Variants in UNC45B observed in about 807,000 individuals in gnomAD.
UNC45B encodes the protein unc-45 myosin chaperone B.
Under a neutral mutation model 98.7 loss-of-function variants are expected in UNC45B, and 78 were observed. The observed-to-expected ratio is 0.79, with a 90% confidence interval of 0.66 to 0.95. The LOEUF (loss-of-function observed/expected upper bound fraction) is 0.95. Ranked by LOEUF, UNC45B falls within the 40% of genes least tolerant of loss-of-function variation. The probability of loss-of-function intolerance (pLI) is 0.00; values close to 1 mark genes in which losing one functional copy is unlikely to be tolerated. For synonymous variants in UNC45B, 462 were observed against 480.4 expected, an observed-to-expected ratio of 0.96 and a Z score of 0.50; for missense variants, 1,225 against 1,184.9, an observed-to-expected ratio of 1.03 and a Z score of -0.50.
chr17:35,175,791 A>AAAG (rs1397344273), intron 14 of UNC45B, among the ~76,000 whole-genome samples, 177 bp from the exon 15 acceptor site: 1 of 152,148 alleles, frequency 6.6e-6, no homozygotes, highest in Non-Finnish European at 1.5e-5. Flanking sequence ...AATTATTCCC[A>AAAG]TGATGTCATC....
intron 14 of UNC45B, among the ~76,000 whole-genome samples, chr17:35,175,079 G>GAAAGAAAGAAAGAAAGAA: frequency 7.7e-6 from 1 of 129,814 alleles, no homozygotes; most frequent in African/African-American, 2.7e-5. Context: ...AAGAAAGAAA[G>GAAAGAAAGAAAGAAAGAA]AAAGAAAGAG....
rs16970659 is a variant in UNC45B at position 35,148,982 on chromosome 17, G to A, written c.178G>A (p.Val60Ile). 77,592 of 1,613,820 alleles carry A rather than the reference G, an allele frequency of 0.048. 3,166 individuals are homozygous for A. Among genetic ancestry groups the A allele is most frequent in the Admixed American group, 0.19 (11,294 of 59,982 alleles). Residue 60 changes from valine (V) to isoleucine (I), a missense_variant, in exon 3 of 20, where the codon GTC becomes ATC. Coordinates refer to ENST00000394570, the MANE Select transcript of UNC45B (RefSeq NM_001267052.2). Reference sequence around the variant, plus strand: ...CTTCCCCTTTCCTCAGGAGAGCTACGTCCAGGCAGCTTCAGATGCCTCCAG... The same window carrying A: ...CTTCCCCTTTCCTCAGGAGAGCTACATCCAGGCAGCTTCAGATGCCTCCAG... The part of the protein sequence containing the change: ...AACGLKTESY[V>I]QAASDASRAI...
intron 9 of UNC45B, chr17:35,164,610 C>T (rs114130890): frequency 0.014 from 2,125 of 153,304 alleles, 51 homozygotes; most frequent in African/African-American, 0.048. Context: ...TCATCACTTC[C>T]GCCACATTCT....
chr17:35,164,892 T>A (rs1054205889), intron 9 of UNC45B, among the ~76,000 whole-genome samples: 1 of 151,532 alleles, frequency 6.6e-6, no homozygotes, highest in South Asian at 2.1e-4. Context: ...TGGGCTAATT[T>A]TTTTTTTTTT....
At chr17:35,175,671 G>A (rs2092227428) in intron 14 of UNC45B, among the ~76,000 whole-genome samples, 1 of 152,156 alleles carries the variant, frequency 6.6e-6, no homozygotes, top group South Asian at 2.1e-4. Context: ...CGGAGGACCT[G>A]GGGCACATCC....
chr17:35,156,221 A>G (rs939939325), intron 7 of UNC45B, among the ~76,000 whole-genome samples: 1 of 152,208 alleles, frequency 6.6e-6, no homozygotes, highest in African/African-American at 2.4e-5. Context: ...TTATTTTCTA[A>G]TGGGGACAAA....
At chr17:35,185,241 T>G (rs2092296760) in intron 19 of UNC45B, among the ~76,000 whole-genome samples, 1 of 152,068 alleles carries the variant, frequency 6.6e-6, no homozygotes, top group Non-Finnish European at 1.5e-5. Flanking sequence ...AAATGCCAGG[T>G]GAGGGTAACA....
chr17:35,153,036 G>A (rs1382661481), intron 5 of UNC45B, 54 bp downstream of exon 5: 1 of 1,475,072 alleles, frequency 6.8e-7, no homozygotes, highest in Non-Finnish European at 9.4e-7. Context: ...AGTCTGGACA[G>A]TGACATCATT....
Position 35,177,129 on chromosome 17 carries a change from G to T in UNC45B, c.2138G>T (p.Arg713Leu), listed in dbSNP as rs137917897. Residue 713 changes from arginine (R) to leucine (L), a missense_variant and splice_region_variant, in exon 16 of 20, where the codon CGG (arginine) becomes CTG (leucine). Arg to Leu is a moderately radical substitution (Grantham distance 102). Transcript: ENST00000394570. ...SNPDIAFPGE[R>L]VYEVVRPLVR... The stretch of plus-strand genomic sequence containing the variant: ...CCGGACATTGCTTTTCCTGGGGAGC[G>T]GGTAGGTGCTTGGGTAGATGGGATA... 1.2e-6 allele frequency: 2 copies of T among 1,613,974 alleles called. No homozygotes were observed. The highest frequency in any genetic ancestry group is 2.2e-5 in the East Asian group (1 of 44,870).
At position 35,163,992 on chromosome 17, in the gene UNC45B, C is replaced by A; in HGVS notation, c.980-3C>A. ...CTTAGGCTTGCCACTGTCTACCCTGCAGGTCTGAGGAAGATCCTGAAGGTT... is the reference window on the plus strand; with the variant it reads ...CTTAGGCTTGCCACTGTCTACCCTGAAGGTCTGAGGAAGATCCTGAAGGTT... On this transcript the variant is annotated splice_polypyrimidine_tract_variant and splice_region_variant and intron_variant, in intron 8 of 19. Transcript: ENST00000394570. 1 of 1,609,670 alleles carries A rather than the reference C, an allele frequency of 6.2e-7. No individual in the cohort carries two copies.
In UNC45B at chr17:35,183,515, C is replaced by T. The variant is rs144530439; in HGVS notation, c.2462C>T (p.Ala821Val). The change falls in exon 19 of 20, where the codon GCG becomes GTG. Residue 821 changes from alanine (A) to valine (V), a missense_variant. By Grantham distance (64) the Ala-to-Val change is moderately conservative. Coordinates refer to ENST00000394570, the MANE Select transcript of UNC45B (RefSeq NM_001267052.2). ...CGEDDDKVQN[A>V]AAGALAMLTA... is the part of the protein sequence containing the mutation. ...GAGGATGATGATAAGGTGCAGAATGCGGCTGCAGGGGCTCTGGCCATGCTG... is the reference window on the plus strand; with the variant it reads ...GAGGATGATGATAAGGTGCAGAATGTGGCTGCAGGGGCTCTGGCCATGCTG... 36 of 1,603,496 alleles carry T rather than the reference C, an allele frequency of 2.2e-5. No individual in the cohort carries two copies. The highest frequency in any genetic ancestry group is 6.7e-5 in the African/African-American group (5 of 74,514).
chr17:35,155,245 G>C (rs1469914600), intron 6 of UNC45B, 51 bp from the exon 7 acceptor site: 1 of 1,598,218 alleles, frequency 6.3e-7, no homozygotes, highest in Non-Finnish European at 8.5e-7. Flanking sequence ...CTGCATGGCA[G>C]CTAGAAGGGA....
chr17:35,168,229 G>A lies in UNC45B; in HGVS notation c.1320G>A (p.Val440=), dbSNP rs773139788. 2.3e-5 allele frequency: 36 copies of A among 1,590,116 alleles called. No individual in the cohort carries two copies. The highest frequency in any genetic ancestry group is 2.0e-4 in the South Asian group (18 of 87,870). ...CGSERETDQL[V]AVEALIHAST... is the part of the protein sequence containing the mutation. ...CAGAGCGCGAGACGGACCAGCTGGTGGCCGTGGAGGCCCTCATCCATGCCT... is the reference window on the plus strand; with the variant it reads ...CAGAGCGCGAGACGGACCAGCTGGTAGCCGTGGAGGCCCTCATCCATGCCT... Residue 440 remains valine (V), a synonymous_variant, in exon 10 of 20, where the codon GTG becomes GTA. Coordinates refer to ENST00000394570, the MANE Select transcript of UNC45B (RefSeq NM_001267052.2).
chr17:35,171,528 G>A (rs1165647678), intron 13 of UNC45B, 66 bp downstream of exon 13: 5 of 1,570,314 alleles, frequency 3.2e-6, no homozygotes, highest in Admixed American at 1.8e-5. Context: ...GAGGCGGAAC[G>A]GCAAAAGGAG....
chr17:35,148,110 A>G (rs1215777281), intron 1 of UNC45B, among the ~76,000 whole-genome samples, 154 bp from the exon 2 acceptor site: 1 of 152,100 alleles, frequency 6.6e-6, no homozygotes, highest in Non-Finnish European at 1.5e-5. Context: ...GGGGCAATAG[A>G]TTTGGGGGTT....
intron 15 of UNC45B, among the ~76,000 whole-genome samples, chr17:35,176,811 G>A (rs1272904625): frequency 6.6e-6 from 1 of 152,216 alleles, no homozygotes; most frequent in Non-Finnish European, 1.5e-5. Flanking sequence ...AGGAAGTGGG[G>A]TAAAGACCTG....
chr17:35,166,664 A>C (rs1488055693), intron 9 of UNC45B, among the ~76,000 whole-genome samples: 1 of 152,184 alleles, frequency 6.6e-6, no homozygotes, highest in Non-Finnish European at 1.5e-5. Flanking sequence ...ACCGCAACTA[A>C]TTACGAAGGA....
chr17:35,151,116 G>T, intron 4 of UNC45B: 1 of 199,004 alleles, frequency 5.0e-6, no homozygotes. Flanking sequence ...CATTTCCCGC[G>T]CCCCACCGCG....
intron 9 of UNC45B, among the ~76,000 whole-genome samples, chr17:35,167,631 A>G (rs1186721930): frequency 1.3e-5 from 2 of 151,282 alleles, no homozygotes; most frequent in Non-Finnish European, 2.9e-5. Context: ...AAAAAAAAAG[A>G]AAGAAAAAGA....
Sources: allele counts gnomAD v4.1 joint callset (sites outside exome capture counted in the v4.1 genomes callset), GRCh38; gene constraint gnomAD v4.1.1; transcripts MANE v1.5; gene names NCBI Gene and HGNC (gene_info 2026-07-23, HGNC 2026-07-21).